PRELID3A: variants seen among roughly 807,000 people sequenced by gnomAD.
PRELID3A encodes PRELI domain containing protein 3A.
In PRELID3A, 27 loss-of-function variants were observed where a neutral mutation model predicts 23.0. That is an observed-to-expected ratio of 1.17 (90% CI 0.87 to 1.62). The LOEUF (loss-of-function observed/expected upper bound fraction) is 1.62, where lower values mean the gene tolerates loss of function less well. Among genes scored for constraint, PRELID3A ranks in the 40% most tolerant of loss-of-function variants. PRELID3A has a pLI of 0.00. For missense variants in PRELID3A, 231 were observed against 231.4 expected, an observed-to-expected ratio of 1.00 and a Z score of 0.01; for synonymous variants, 87 against 86.4, an observed-to-expected ratio of 1.01 and a Z score of -0.04.
At chr18:12,430,660 CAT>C (rs1477267739) in intron 6 of PRELID3A, among the ~76,000 whole-genome samples, 1 of 97,750 alleles carries the variant, frequency 1.0e-5, no homozygotes, top group Non-Finnish European at 2.1e-5. Context: ...GTCGTGTGTG[CAT>C]GTTTGTATGA....
At chr18:12,429,031 G>T (rs1203070522) in intron 5 of PRELID3A, among the ~76,000 whole-genome samples, 1 of 152,190 alleles carries the variant, frequency 6.6e-6, no homozygotes, top group African/African-American at 2.4e-5. Context: ...GTGCGTGGAG[G>T]TGTCACCCTG....
At chr18:12,417,267 G>A (rs1366772715) in intron 1 of PRELID3A, among the ~76,000 whole-genome samples, 1 of 152,018 alleles carries the variant, frequency 6.6e-6, no homozygotes, top group East Asian at 1.9e-4. Flanking sequence ...TCCACCTCCT[G>A]GGTTCGAGCA....
At chr18:12,427,358 T>C in intron 5 of PRELID3A, 35 bp downstream of exon 5, 1 of 1,439,568 alleles carries the variant, frequency 6.9e-7, no homozygotes, top group Admixed American at 1.7e-5. Flanking sequence ...CTGTGTGTGC[T>C]CTAGTTGTTA....
intron 5 of PRELID3A, among the ~76,000 whole-genome samples, chr18:12,428,322 T>A (rs114910381): frequency 6.6e-6 from 1 of 152,330 alleles, no homozygotes; most frequent in African/African-American, 2.4e-5. Flanking sequence ...TTCCTCACAT[T>A]TAAAAGATGC....
chr18:12,410,260 A>T (rs1432947358), intron 1 of PRELID3A, among the ~76,000 whole-genome samples: 1 of 152,224 alleles, frequency 6.6e-6, no homozygotes, highest in Non-Finnish European at 1.5e-5. Flanking sequence ...GGAATCTTAC[A>T]TGGAGATCAG....
intron 5 of PRELID3A, 64 bp from the exon 6 acceptor site, chr18:12,429,286 C>A: frequency 7.0e-7 from 1 of 1,422,262 alleles, no homozygotes; most frequent in Non-Finnish European, 9.9e-7. Context: ...GTGGACTTGT[C>A]GCTTGCTGTC....
At chr18:12,424,639 T>A (rs2030299162) in intron 3 of PRELID3A, among the ~76,000 whole-genome samples, 1 of 152,134 alleles carries the variant, frequency 6.6e-6, no homozygotes, top group Admixed American at 6.6e-5. Flanking sequence ...GGGGGAGGGA[T>A]TCAGTGAGAG....
At chr18:12,430,086 C>T (rs1160189021) in intron 6 of PRELID3A, among the ~76,000 whole-genome samples, 2 of 152,224 alleles carry the variant, frequency 1.3e-5, no homozygotes, top group African/African-American at 4.8e-5. Flanking sequence ...CCCCATCTGT[C>T]CCCCGTGTGT....
intron 1 of PRELID3A, among the ~76,000 whole-genome samples, chr18:12,414,030 TTCTTTCTGTTTATTGC>T (rs1247144590): frequency 1.3e-5 from 2 of 152,160 alleles, no homozygotes; most frequent in Non-Finnish European, 2.9e-5. Context: ...CTGTTTATTG[TTCTTTCTGTTTATTGC>T]TCTTTCAAGT....
Position 12,421,577 on chromosome 18 carries a change from A to G in PRELID3A, c.239A>G (p.Glu80Gly), listed in dbSNP as rs2143368045. 1 of 1,613,916 alleles carries G rather than the reference A, an allele frequency of 6.2e-7. No homozygotes were observed. Among genetic ancestry groups the G allele is most frequent in the Middle Eastern group, 1.6e-4 (1 of 6,062 alleles). ...AGTAGGACATTGACATACATCCGAG[A>G]ACATTCTGTGGTGGATCCAGTGGAA... The part of the protein sequence containing the change: ...GTSRTLTYIR[E>G]HSVVDPVEKK... The change falls in exon 3 of 7, where the codon GAA becomes GGA. Residue 80 changes from glutamate (E) to glycine (G), a missense_variant. By Grantham distance (98) the Glu-to-Gly change is moderately conservative. Transcript: ENST00000440960.
In PRELID3A at chr18:12,420,366, A is replaced by G. The variant is rs1269015652; in HGVS notation, c.74A>G (p.Tyr25Cys). ...GTCATCCAGGCGGCCATGCGCAAGT[A>G]CCCGAACCCGATGAACCCGAGCGTG... ...DTVIQAAMRK[Y>C]PNPMNPSVLG... Residue 25 changes from tyrosine (Y) to cysteine (C), a missense_variant, in exon 2 of 7, where the codon TAC becomes TGC. By Grantham distance (194) the Tyr-to-Cys change is radical. Transcript: ENST00000440960. 1.9e-6 allele frequency: 3 copies of G among 1,611,422 alleles called. No individual in the cohort carries two copies. The highest frequency in any genetic ancestry group is 2.5e-6 in the Non-Finnish European group (3 of 1,179,370).
At position 12,408,019 on chromosome 18, in the gene PRELID3A, C is replaced by T; in HGVS notation, c.32+12C>T. 4 of 1,268,466 alleles carry T rather than the reference C, an allele frequency of 3.2e-6. No individual in the cohort carries two copies. The highest frequency in any genetic ancestry group is 4.0e-6 in the Non-Finnish European group (4 of 1,007,426). 78.6% of individuals were successfully genotyped at this position (1,268,466 alleles called of 1,614,324 possible). A position where few individuals can be genotyped will look rare whatever the true frequency, so the allele number is the denominator to read the frequency against. ...GAGCACGTGTTTGGGTGAGGCCGGG[C>T]TGAGGGCCGCGGTGGGGCCGTCCAG... is the stretch of plus-strand genomic sequence containing the variant. On this transcript the variant is annotated intron_variant, in intron 1 of 6. Transcript: ENST00000440960.
At chr18:12,408,060 C>G in intron 1 of PRELID3A, 53 bp downstream of exon 1, 1 of 1,236,192 alleles carries the variant, frequency 8.1e-7, no homozygotes, top group Non-Finnish European at 1.0e-6. Context: ...GGCTCCTGCT[C>G]CCGAGCCCGG....
chr18:12,429,595 C>T (rs546973512), intron 6 of PRELID3A, among the ~76,000 whole-genome samples, 159 bp downstream of exon 6: 1 of 152,334 alleles, frequency 6.6e-6, no homozygotes, highest in South Asian at 2.1e-4. Flanking sequence ...TCACTGGGTT[C>T]ATCCTCTTTC....
chr18:12,428,982 G>T (rs544399600), intron 5 of PRELID3A, among the ~76,000 whole-genome samples: 3 of 152,170 alleles, frequency 2.0e-5, no homozygotes, highest in African/African-American at 7.2e-5. Flanking sequence ...TGGAAACAGC[G>T]GAGCGGCCTG....
intron 6 of PRELID3A, among the ~76,000 whole-genome samples, chr18:12,430,008 A>G (rs901257457): frequency 6.6e-6 from 1 of 152,256 alleles, no homozygotes; most frequent in African/African-American, 2.4e-5. Flanking sequence ...AGCGGCCACC[A>G]GGGCCTGATC....
intron 1 of PRELID3A, among the ~76,000 whole-genome samples, chr18:12,412,554 T>G (rs896667066): frequency 1.3e-5 from 2 of 152,222 alleles, no homozygotes; most frequent in Non-Finnish European, 2.9e-5. Context: ...TATGTAGATA[T>G]AGATAGATAT....
intron 1 of PRELID3A, among the ~76,000 whole-genome samples, chr18:12,419,086 C>T (rs1012566597): frequency 6.6e-5 from 10 of 151,522 alleles, no homozygotes; most frequent in East Asian, 2.0e-4. Context: ...CACTTTGGGA[C>T]GCTGAGGCAG....
chr18:12,407,968 C>T lies in PRELID3A; in HGVS notation c.-8C>T, dbSNP rs544874852. 426 of 1,296,324 alleles carry T rather than the reference C, an allele frequency of 3.3e-4. 5 individuals are homozygous for T. In the South Asian group the frequency reaches 5.1e-3, roughly 15 times the overall value. 80.3% of individuals were successfully genotyped at this position (1,296,324 alleles called of 1,614,324 possible). On this transcript the variant is annotated 5_prime_UTR_variant, in exon 1 of 7. Coordinates refer to ENST00000440960, the MANE Select transcript of PRELID3A (RefSeq NM_001142405.2). The stretch of plus-strand genomic sequence containing the variant: ...GGATCGCAGAGCCCGCGCCCTGCGC[C>T]GGCGGCAATGAAGATCTGGAGCTCG...
Sources: allele counts gnomAD v4.1 joint callset (sites outside exome capture counted in the v4.1 genomes callset), GRCh38; gene constraint gnomAD v4.1.1; transcripts MANE v1.5; gene names NCBI Gene and HGNC (gene_info 2026-07-23, HGNC 2026-07-21).